The following TG variants were observed in gnomAD, a reference collection of about 807,000 sequenced individuals.
TG encodes thyroglobulin, also known as thyroid hormones.
Under a neutral mutation model 324.7 loss-of-function variants are expected in TG, and 270 were observed. The ratio of observed to expected loss-of-function variants is 0.83; its 90% CI spans 0.75 to 0.92. The LOEUF (loss-of-function observed/expected upper bound fraction) is 0.92, where lower values mean the gene tolerates loss of function less well. Among genes scored for constraint, TG ranks in the 40% least tolerant of loss-of-function variants. The probability of loss-of-function intolerance (pLI) is 0.00; values close to 1 mark genes in which losing one functional copy is unlikely to be tolerated. For missense variants in TG, 3,591 were observed against 3,456.4 expected (o/e 1.04, Z -0.98); for synonymous variants, 1,401 against 1,327.0 (o/e 1.06, Z -1.21).
chr8:132,884,942 C>T (rs1446292022), intron 8 of TG, among the ~76,000 whole-genome samples: 1 of 152,150 alleles, frequency 6.6e-6, no homozygotes, highest in African/African-American at 2.4e-5. Flanking sequence ...TCTGCCATAC[C>T]TTCCTGTAAT....
chr8:133,057,440 G>A (rs1349202166), intron 41 of TG, among the ~76,000 whole-genome samples: 2 of 152,162 alleles, frequency 1.3e-5, no homozygotes, highest in Admixed American at 1.3e-4. Context: ...AAAACTTTTG[G>A]GGAATGGCCA....
intron 41 of TG, among the ~76,000 whole-genome samples, chr8:133,044,723 T>C (rs562482423): frequency 8.5e-5 from 13 of 152,332 alleles, no homozygotes; most frequent in African/African-American, 3.1e-4. Context: ...CAGTTGTGAA[T>C]TTAGGCACAC....
rs118008126 is a variant in TG, at chr8:133,015,886, G to T, written c.6563-1892G>T. Among the ~76,000 whole-genome samples, 4 of 152,282 alleles carry T rather than the reference G, an allele frequency of 2.6e-5. No individual in the cohort carries two copies. The East Asian group carries it at 7.7e-4, about 29-fold the overall frequency. The stretch of plus-strand genomic sequence containing the variant: ...TTTGAGTTCTAACTCATATTCCAAT[G>T]TCTTTGCGACAGAGAAGGCTTCATT... On this transcript the variant is annotated intron_variant, in intron 37 of 47. Transcript: ENST00000220616.
intron 41 of TG, among the ~76,000 whole-genome samples, chr8:133,056,834 C>T (rs1313515648): frequency 2.0e-5 from 3 of 152,104 alleles, no homozygotes; most frequent in Non-Finnish European, 4.4e-5. Context: ...AGTGCAGGGG[C>T]AGGACTAAAA....
At chr8:133,133,777 T>A in intron 47 of TG, 117 bp downstream of exon 47, 1 of 1,149,880 alleles carries the variant, frequency 8.7e-7, no homozygotes, top group Non-Finnish European at 1.3e-6. Flanking sequence ...CCAGTGCCAA[T>A]GGCACAGCCC....
At chr8:132,889,247 G>A (rs1420486210) in intron 10 of TG, among the ~76,000 whole-genome samples, 3 of 152,150 alleles carry the variant, frequency 2.0e-5, no homozygotes, top group Non-Finnish European at 2.9e-5. Flanking sequence ...AACCAGACAT[G>A]TTCAACACTG....
chr8:133,074,734 C>A, intron 41 of TG: 1 of 452,636 alleles, frequency 2.2e-6, no homozygotes, highest in South Asian at 9.3e-5. Context: ...CAAGACATTG[C>A]CCCACCTGTT....
intron 31 of TG, 51 bp from the exon 32 acceptor site, chr8:132,969,407 A>G (rs1296501302): frequency 1.5e-6 from 2 of 1,297,714 alleles, no homozygotes; most frequent in African/African-American, 1.5e-5. Context: ...TCATATTTTC[A>G]TGACTACAGC....
intron 16 of TG, among the ~76,000 whole-genome samples, chr8:132,905,746 A>T (rs371444527): frequency 1.5e-4 from 23 of 152,158 alleles, no homozygotes; most frequent in African/African-American, 5.3e-4. Context: ...AGAGGTTCTA[A>T]CAATTGACAA....
intron 41 of TG, among the ~76,000 whole-genome samples, chr8:133,069,223 G>A (rs543055453): frequency 3.3e-5 from 5 of 152,336 alleles, no homozygotes; most frequent in East Asian, 1.9e-4. Context: ...TTATTGCATC[G>A]TATTTCCCAG....
chr8:132,980,174 G>A (rs1830649199), intron 34 of TG, among the ~76,000 whole-genome samples: 2 of 152,014 alleles, frequency 1.3e-5, no homozygotes. Context: ...TAAGATGACT[G>A]GTGGCTGGAG....
At chr8:133,068,469 A>G (rs577194606) in intron 41 of TG, among the ~76,000 whole-genome samples, 2 of 152,248 alleles carry the variant, frequency 1.3e-5, no homozygotes, top group South Asian at 2.1e-4. Flanking sequence ...AGGCCTGTCA[A>G]TGCTGGGGCA....
At chr8:132,878,761 G>A (rs957521377) in intron 5 of TG, among the ~76,000 whole-genome samples, 1 of 152,024 alleles carries the variant, frequency 6.6e-6, no homozygotes, top group African/African-American at 2.4e-5. Flanking sequence ...CCTTGGTTCT[G>A]TCTCCCACCT....
chr8:132,923,911 T>C (rs186666360), intron 22 of TG, among the ~76,000 whole-genome samples: 8 of 152,268 alleles, frequency 5.3e-5, no homozygotes, highest in Admixed American at 1.3e-4. Flanking sequence ...CCCAACCTTT[T>C]TGGCATCAAG....
At chr8:132,893,385 G>GTTT (rs1359993289) in intron 10 of TG, among the ~76,000 whole-genome samples, 2,927 of 136,038 alleles carry the variant, frequency 0.022, 147 homozygotes, top group African/African-American at 0.078. Context: ...TGTGTGTAGT[G>GTTT]TGGGGGGGTG....
intron 14 of TG, 102 bp from the exon 15 acceptor site, chr8:132,900,135 A>C (rs1439000306): frequency 1.1e-6 from 1 of 935,932 alleles, no homozygotes; most frequent in Non-Finnish European, 1.7e-6. Flanking sequence ...AGAAGCCATC[A>C]CCTGTTGTTT....
At chr8:133,049,956 C>A in intron 41 of TG, 2 of 1,613,698 alleles carry the variant, frequency 1.2e-6, no homozygotes, top group Non-Finnish European at 1.7e-6. Flanking sequence ...TCGACCAGTG[C>A]TAAGAGAAAT....
intron 45 of TG, among the ~76,000 whole-genome samples, chr8:133,125,524 G>A (rs188011696): frequency 1.2e-4 from 19 of 152,326 alleles, no homozygotes; most frequent in Admixed American, 9.1e-4. Flanking sequence ...ATGCTGCTTC[G>A]TGTATTAAGC....
At chr8:132,897,816 C>T in intron 12 of TG, 30 bp downstream of exon 12, 1 of 1,613,322 alleles carries the variant, frequency 6.2e-7, no homozygotes, top group East Asian at 2.2e-5. Flanking sequence ...TTCAGGTGGC[C>T]AAGTGACACC....
Sources: gnomAD v4.1 joint callset for allele counts (sites outside exome capture counted in the v4.1 genomes callset) on GRCh38, gnomAD v4.1.1 for gene constraint, MANE v1.5 for transcripts, NCBI Gene and HGNC (gene_info 2026-07-23, HGNC 2026-07-21) for gene names.